Variants in PLCG2 observed in about 807,000 individuals in gnomAD.
PLCG2 encodes the protein 1-phosphatidylinositol 4,5-bisphosphate phosphodiesterase gamma-2.
A neutral mutation model predicts 175.6 loss-of-function variants in PLCG2; 69 were observed. The observed-to-expected ratio is 0.39, with a 90% confidence interval of 0.32 to 0.48. The LOEUF (loss-of-function observed/expected upper bound fraction) is 0.48. PLCG2 is among the 20% of genes least tolerant of loss of function. PLCG2 has a pLI of 0.91. For synonymous variants in PLCG2, 827 were observed against 624.0 expected (o/e 1.33, Z -4.85); for missense variants, 1,798 against 1,650.9 (o/e 1.09, Z -1.54).
intron 2 of PLCG2, among the ~76,000 whole-genome samples, chr16:81,791,833 G>A (rs1051887519): frequency 6.6e-6 from 1 of 152,146 alleles, no homozygotes; most frequent in Non-Finnish European, 1.5e-5. Flanking sequence ...CCAAAGTGCT[G>A]GGATTACAGG....
intron 31 of PLCG2, among the ~76,000 whole-genome samples, chr16:81,952,911 T>C (rs778438213): frequency 1.4e-4 from 22 of 152,224 alleles, no homozygotes; most frequent in Admixed American, 2.6e-4. Flanking sequence ...ATAGCAGCTT[T>C]ACAGCGGATA....
At chr16:81,785,790 C>G (rs775803565) in intron 1 of PLCG2, 153 bp from the exon 2 acceptor site, 82 of 561,730 alleles carry the variant, frequency 1.5e-4, no homozygotes, top group Middle Eastern at 4.4e-4. Flanking sequence ...CCTTAGCTCT[C>G]TGAGTGGCCA....
chr16:81,877,390 A>G (rs7192774), intron 7 of PLCG2, among the ~76,000 whole-genome samples: 105,464 of 152,108 alleles, frequency 0.69, 38,091 homozygotes, highest in East Asian at 0.98. Context: ...TGGAGGCGGA[A>G]CTTACAGTGA....
At position 81,910,691 on chromosome 16, in the gene PLCG2, G is replaced by GCCCAAC. The variant is rs1311793084; in HGVS notation, c.1915_1920dup (p.Asn639_Pro640dup). The GCCCAAC allele has an allele frequency of 1.9e-6, 3 of 1,611,590 alleles. No homozygotes were observed. The highest frequency in any genetic ancestry group is 1.7e-5 in the Admixed American group (1 of 60,030). ...TCGAGCTGCGGCTCACGGACCCTGT[G>GCCCAAC]CCCAACCCCAACCCCCACGAGTCCA... On this transcript the variant is annotated inframe_insertion, in exon 18 of 33. Coordinates refer to ENST00000564138, the MANE Select transcript of PLCG2 (RefSeq NM_002661.5).
intron 11 of PLCG2, among the ~76,000 whole-genome samples, chr16:81,892,678 C>T (rs1318410231): frequency 6.6e-6 from 1 of 151,850 alleles, no homozygotes; most frequent in Non-Finnish European, 1.5e-5. Context: ...ATTTTCAGTT[C>T]AGAGGTACAT....
chr16:81,875,757 C>CA (rs1567510789), intron 7 of PLCG2, among the ~76,000 whole-genome samples: 2 of 152,256 alleles, frequency 1.3e-5, no homozygotes, highest in East Asian at 3.9e-4. Flanking sequence ...AAAGCACTTG[C>CA]AAAAAATCAA....
intron 4 of PLCG2, 88 bp downstream of exon 4, chr16:81,858,444 A>ACG (rs1567501990): frequency 6.7e-5 from 60 of 898,096 alleles, no homozygotes; most frequent in Non-Finnish European, 1.0e-4. Flanking sequence ...GGGGGAAAAA[A>ACG]AAAAAAAGGG....
At chr16:81,869,366 T>G in intron 6 of PLCG2, 68 bp downstream of exon 6, 13 of 1,167,810 alleles carry the variant, frequency 1.1e-5, no homozygotes. Context: ...CATGAAGCCG[T>G]GGCTTGCCTT....
intron 13 of PLCG2, among the ~76,000 whole-genome samples, chr16:81,899,995 A>T (rs1020422474): frequency 2.0e-5 from 3 of 152,220 alleles, no homozygotes; most frequent in African/African-American, 7.2e-5. Context: ...ATGAACCATA[A>T]CCCCAATAGA....
chr16:81,786,065 A>G lies in PLCG2; in HGVS notation c.76A>G (p.Thr26Ala), dbSNP rs1158633876. The G allele has an allele frequency of 1.9e-6, 3 of 1,614,126 alleles. No homozygotes were observed. In the African/African-American group the frequency reaches 4.0e-5, roughly 22 times the overall value. Residue 26 changes from threonine (T) to alanine (A), a missense_variant, in exon 2 of 33, where the codon ACG becomes GCG. Transcript: ENST00000564138. ...GATCAAGAGAGCCCTGGAGCTGGGG[A>G]CGGTGATGACTGTGTTCAGCTTCCG... ...SQIKRALELG[T>A]VMTVFSFRKS...
At chr16:81,929,416 G>A (rs1040813597) in intron 24 of PLCG2, among the ~76,000 whole-genome samples, 2 of 152,108 alleles carry the variant, frequency 1.3e-5, no homozygotes, top group Non-Finnish European at 2.9e-5. Flanking sequence ...TTCTTTTCGC[G>A]ATAGAGTCTC....
chr16:81,800,540 C>T (rs905015719), intron 2 of PLCG2, among the ~76,000 whole-genome samples: 20 of 152,216 alleles, frequency 1.3e-4, no homozygotes, highest in Admixed American at 7.9e-4. Flanking sequence ...GCGAAGGACA[C>T]GATCTCGTTC....
intron 2 of PLCG2, among the ~76,000 whole-genome samples, chr16:81,824,029 C>A (rs143588885): frequency 0.024 from 1,150 of 47,806 alleles, 39 homozygotes; most frequent in African/African-American, 0.089. Flanking sequence ...CTTTCCTTTC[C>A]TTTCCTTTCC....
chr16:81,894,566 A>C (rs1404806365), intron 12 of PLCG2, among the ~76,000 whole-genome samples: 1 of 151,946 alleles, frequency 6.6e-6, no homozygotes, highest in Non-Finnish European at 1.5e-5. Context: ...TCATGGGTGC[A>C]TTTGGCTGAG....
chr16:81,743,245 C>T (rs972300332), intron 1 of PLCG2, among the ~76,000 whole-genome samples: 3 of 152,174 alleles, frequency 2.0e-5, no homozygotes, highest in African/African-American at 7.2e-5. Context: ...CAGCTACTAG[C>T]GAGGCTAAGG....
At chr16:81,935,835 C>G in intron 26 of PLCG2, 1 of 985,274 alleles carries the variant, frequency 1.0e-6, no homozygotes, top group Non-Finnish European at 1.2e-6. Context: ...CTTCTCCTAC[C>G]CAAAACCATT....
intron 1 of PLCG2, among the ~76,000 whole-genome samples, chr16:81,750,663 A>ATTTTTTATTTTTTTTT (rs1909791120): frequency 1.5e-5 from 1 of 68,446 alleles, no homozygotes; most frequent in Non-Finnish European, 2.6e-5. Context: ...GGGACTGGAG[A>ATTTTTTATTTTTTTTT]TTTTTTTTTT....
chr16:81,957,962 A>G lies in PLCG2; in HGVS notation c.3762A>G (p.Arg1254=). The change falls in exon 33 of 33, where the codon AGA becomes AGG. Residue 1254 remains arginine (R), a synonymous_variant. Transcript: ENST00000564138. ...LYQEKCNKRL[R]EKRVSNSKFY... is the part of the protein sequence containing the mutation. ...GAAATCTGTTTTATTTCAGGTTAAG[A>G]GAGAAGAGAGTCAGCAACAGCAAGT... 6.2e-7 allele frequency: 1 copy of G among 1,613,828 alleles called. No individual in the cohort carries two copies. Among genetic ancestry groups the G allele is most frequent in the Non-Finnish European group, 8.5e-7 (1 of 1,179,688 alleles).
chr16:81,924,448 A>T (rs1240831884), intron 22 of PLCG2, among the ~76,000 whole-genome samples: 1 of 152,230 alleles, frequency 6.6e-6, no homozygotes, highest in Non-Finnish European at 1.5e-5. Context: ...CTACATGATG[A>T]CTGTAAAAGG....
Sources: gnomAD v4.1 joint callset for allele counts (sites outside exome capture counted in the v4.1 genomes callset) on GRCh38, gnomAD v4.1.1 for gene constraint, MANE v1.5 for transcripts, NCBI Gene and HGNC (gene_info 2026-07-23, HGNC 2026-07-21) for gene names.